GRIA4: variants seen among roughly 807,000 people sequenced by gnomAD.
The protein encoded by GRIA4 is glutamate receptor 4.
GRIA4 carries 34 observed loss-of-function variants against 104.0 expected under a neutral mutation model. The ratio of observed to expected loss-of-function variants is 0.33; its 90% CI spans 0.25 to 0.44. The LOEUF (loss-of-function observed/expected upper bound fraction) is 0.44, where lower values mean the gene tolerates loss of function less well. Ranked by LOEUF, GRIA4 falls within the 20% of genes least tolerant of loss-of-function variation. The pLI, the probability that GRIA4 is intolerant of heterozygous loss-of-function variation, is 1.00. For synonymous variants in GRIA4, 386 were observed against 381.9 expected, an observed-to-expected ratio of 1.01 and a Z score of -0.13; for missense variants, 750 against 1,096.5, an observed-to-expected ratio of 0.68 and a Z score of 4.46.
chr11:105,829,261 C>G (rs945196497), intron 4 of GRIA4, among the ~76,000 whole-genome samples: 2 of 151,928 alleles, frequency 1.3e-5, no homozygotes, highest in African/African-American at 4.8e-5. Context: ...AAATGAGGAA[C>G]TGAAACATCA....
At chr11:105,907,233 G>A (rs539882950) in intron 9 of GRIA4, among the ~76,000 whole-genome samples, 6 of 152,274 alleles carry the variant, frequency 3.9e-5, no homozygotes, top group African/African-American at 1.4e-4. Context: ...TTGGGAGAGT[G>A]ATGAACAGTG....
chr11:105,934,604 T>C (rs948013498), intron 14 of GRIA4, among the ~76,000 whole-genome samples: 1 of 152,142 alleles, frequency 6.6e-6, no homozygotes, highest in Admixed American at 6.6e-5. Context: ...TCTGTAAAAT[T>C]AGACCCAATG....
intron 4 of GRIA4, among the ~76,000 whole-genome samples, chr11:105,802,021 A>G (rs1942740342): frequency 6.6e-6 from 1 of 152,074 alleles, no homozygotes; most frequent in African/African-American, 2.4e-5. Flanking sequence ...GATCCAAGTA[A>G]GGGGATGAGT....
chr11:105,910,388 G>A (rs768623815), intron 9 of GRIA4, 47 bp from the exon 10 acceptor site: 4 of 908,592 alleles, frequency 4.4e-6, no homozygotes, highest in East Asian at 4.9e-5. Context: ...AAGAACTAGA[G>A]TAAATGCTTC....
chr11:105,719,044 T>G (rs1318427943), intron 3 of GRIA4, among the ~76,000 whole-genome samples: 1 of 152,138 alleles, frequency 6.6e-6, no homozygotes, highest in Non-Finnish European at 1.5e-5. Flanking sequence ...TCTCTCTTGT[T>G]TTTTTTAAAT....
At chr11:105,939,538 T>A (rs1948132257) in intron 14 of GRIA4, among the ~76,000 whole-genome samples, 1 of 152,192 alleles carries the variant, frequency 6.6e-6, no homozygotes, top group South Asian at 2.1e-4. Context: ...TGGACCCATA[T>A]TTAAATTCTC....
At chr11:105,899,526 C>T (rs568045878) in intron 7 of GRIA4, among the ~76,000 whole-genome samples, 111 of 152,130 alleles carry the variant, frequency 7.3e-4, no homozygotes, top group Non-Finnish European at 1.4e-3. Context: ...TTATATAATC[C>T]TCTCATCCTT....
chr11:105,761,866 C>T (rs1008982649), intron 4 of GRIA4, among the ~76,000 whole-genome samples: 1 of 152,008 alleles, frequency 6.6e-6, no homozygotes, highest in African/African-American at 2.4e-5. Context: ...AAGACTGATA[C>T]ATTCTTTAAA....
chr11:105,671,677 C>CAAAA (rs377767108), intron 3 of GRIA4, among the ~76,000 whole-genome samples: 9,522 of 64,390 alleles, frequency 0.15, 3,163 homozygotes, highest in Admixed American at 0.2. Flanking sequence ...GACTCTGTCT[C>CAAAA]AAAAAAAAAA....
At chr11:105,974,231 C>T (rs1858853186) in intron 15 of GRIA4, 79 bp from the exon 16 acceptor site, 1 of 1,404,696 alleles carries the variant, frequency 7.1e-7, no homozygotes, top group Non-Finnish European at 9.9e-7. Context: ...CTTTCATTGG[C>T]TTTTTGGATT....
At chr11:105,652,907 G>T (rs1442833704) in intron 3 of GRIA4, among the ~76,000 whole-genome samples, 1 of 151,780 alleles carries the variant, frequency 6.6e-6, no homozygotes, top group African/African-American at 2.4e-5. Context: ...TTTTTTTCTT[G>T]CTTTATTTAT....
chr11:105,660,823 T>A (rs1375437139), intron 3 of GRIA4, among the ~76,000 whole-genome samples: 1 of 151,640 alleles, frequency 6.6e-6, no homozygotes, highest in Non-Finnish European at 1.5e-5. Flanking sequence ...ACAATTGCAG[T>A]CATTTGATAC....
At chr11:105,797,621 T>C (rs1942537021) in intron 4 of GRIA4, 1 of 251,532 alleles carries the variant, frequency 4.0e-6, no homozygotes, top group African/African-American at 2.3e-5. Context: ...TCTGATTCTT[T>C]GTTCTCATAA....
chr11:105,932,047 CTTT>C (rs199671973), intron 13 of GRIA4, among the ~76,000 whole-genome samples: 1 of 144,946 alleles, frequency 6.9e-6, no homozygotes. Flanking sequence ...GAGGTCTTCA[CTTT>C]TTTTTTTTTT....
chr11:105,821,480 T>C (rs182891347), intron 4 of GRIA4, among the ~76,000 whole-genome samples: 7 of 152,070 alleles, frequency 4.6e-5, no homozygotes, highest in Admixed American at 3.3e-4. Context: ...AGGAAGCTTA[T>C]AATCACGGTG....
chr11:105,681,580 T>C (rs1053160746), intron 3 of GRIA4, among the ~76,000 whole-genome samples: 1 of 152,190 alleles, frequency 6.6e-6, no homozygotes, highest in Non-Finnish European at 1.5e-5. Context: ...CATGTGATTA[T>C]TGAGGACTTT....
chr11:105,913,201 A>G lies in GRIA4; in HGVS notation c.1269+2656A>G, dbSNP rs181877120. 1.9e-3 allele frequency: 692 copies of G among 371,314 alleles called. 6 individuals carry two copies. The highest frequency in any genetic ancestry group is 0.014 in the African/African-American group (625 of 45,570). The allele number at this position is 371,314 out of a possible 1,614,324, so 23.0% of individuals were successfully genotyped here. A position where few individuals can be genotyped will look rare whatever the true frequency, so the allele number is the denominator to read the frequency against. ...GTCACAGACAAAAATCCTGCACTCA[A>G]TGAAACTTATAGTATATTGAGAGAA... On this transcript the variant is annotated intron_variant, in intron 10 of 16. Transcript: ENST00000282499.
Position 105,903,910 on chromosome 11 carries a change from G to T in GRIA4, c.982G>T (p.Ala328Ser). 6.2e-7 allele frequency: 1 copy of T among 1,613,530 alleles called. No individual in the cohort carries two copies. The highest frequency in any genetic ancestry group is 8.5e-7 in the Non-Finnish European group (1 of 1,179,456). ...QKIDISRRGN[A>S]GDCLANPAAP... ...AATTGATATCTCAAGGAGAGGAAAT[G>T]CTGGGGATTGTCTGGCAAATCCTGC... Residue 328 changes from alanine to serine, a missense_variant, in exon 8 of 17, where the codon GCT becomes TCT. Ala to Ser is a moderately conservative substitution (Grantham distance 99). Coordinates refer to ENST00000282499, the MANE Select transcript of GRIA4 (RefSeq NM_000829.4).
At chr11:105,709,189 G>A (rs947501159) in intron 3 of GRIA4, among the ~76,000 whole-genome samples, 2 of 151,972 alleles carry the variant, frequency 1.3e-5, no homozygotes, top group African/African-American at 4.8e-5. Flanking sequence ...GGGACACCGT[G>A]AGTAAAAAAA....
Sources: gnomAD v4.1 joint callset for allele counts (sites outside exome capture counted in the v4.1 genomes callset) on GRCh38, gnomAD v4.1.1 for gene constraint, MANE v1.5 for transcripts, NCBI Gene and HGNC (gene_info 2026-07-23, HGNC 2026-07-21) for gene names.